The following GTPBP6 variants were observed in gnomAD, a reference collection of about 807,000 sequenced individuals.
GTPBP6 encodes the protein GTP binding protein 6.
GTPBP6 carries 33 observed loss-of-function variants against 28.9 expected under a neutral mutation model. The ratio of observed to expected loss-of-function variants is 1.14; its 90% CI spans 0.87 to 1.53. The LOEUF (loss-of-function observed/expected upper bound fraction) is 1.53. Ranked by LOEUF, GTPBP6 falls within the 40% of genes most tolerant of loss-of-function variation. The pLI is 0.00. For synonymous variants in GTPBP6, 231 were observed against 192.7 expected (o/e 1.20, Z -1.65); for missense variants, 507 against 408.3 (o/e 1.24, Z -2.08).
At chrX:317,391 G>C (rs1248924608) in intron 1 of GTPBP6, among the ~76,000 whole-genome samples, 1 of 152,056 alleles carries the variant, frequency 6.6e-6, no homozygotes, top group African/African-American at 2.4e-5. Context: ...AGAGGTCTGC[G>C]CGCTGTTCTG....
intron 4 of GTPBP6, among the ~76,000 whole-genome samples, 178 bp from the exon 5 acceptor site, chrX:314,395 G>A (rs1197409599): frequency 6.6e-6 from 1 of 152,202 alleles, no homozygotes; most frequent in Non-Finnish European, 1.5e-5. Flanking sequence ...CCCGGGCCGA[G>A]GGGACCTGCC....
intron 7 of GTPBP6, among the ~76,000 whole-genome samples, chrX:309,710 A>G (rs1264292575): frequency 1.3e-5 from 2 of 148,258 alleles, no homozygotes; most frequent in African/African-American, 5.0e-5. Context: ...AGAGGCAGGA[A>G]GGACCCTCAC....
At chrX:307,399 A>C in exon 9 of GTPBP6, 1 of 1,612,502 alleles carries the variant, frequency 6.2e-7, no homozygotes, top group Non-Finnish European at 8.5e-7. Flanking sequence ...GAGAGTGAGG[A>C]TCTGTCTCCC....
At chrX:306,453 T>G (rs2070166759) in intron 9 of GTPBP6, among the ~76,000 whole-genome samples, 1 of 144,064 alleles carries the variant, frequency 6.9e-6, no homozygotes, top group African/African-American at 2.8e-5. Context: ...ACCTGTTGTA[T>G]CCACAGTCAG....
intron 5 of GTPBP6, among the ~76,000 whole-genome samples, chrX:313,513 C>A (rs927459576): frequency 6.6e-6 from 1 of 151,084 alleles, no homozygotes; most frequent in African/African-American, 2.4e-5. Flanking sequence ...GAACTGTGGT[C>A]CTCCTAAAAG....
intron 4 of GTPBP6, among the ~76,000 whole-genome samples, chrX:314,544 C>A (rs1473013156): frequency 1.3e-5 from 2 of 151,806 alleles, no homozygotes; most frequent in African/African-American, 4.8e-5. Flanking sequence ...GTGATCTCGG[C>A]TCACTGCAAG....
At position 305,211 on chromosome X, in the gene GTPBP6, C is replaced by A; in HGVS notation, c.1428-14G>T. ...TTATACAGCCAGCTGGGCACAGATGCGCGTTGTATGGAGACAAGCAGAACC... is the reference window on the plus strand; with the variant it reads ...TTATACAGCCAGCTGGGCACAGATGAGCGTTGTATGGAGACAAGCAGAACC... On this transcript the variant is annotated splice_polypyrimidine_tract_variant and intron_variant, in intron 9 of 9. Coordinates refer to ENST00000326153, the Ensembl canonical transcript of GTPBP6. The A allele has an allele frequency of 1.2e-6, 2 of 1,600,198 alleles. No individual in the cohort carries two copies. The highest frequency in any genetic ancestry group is 1.1e-5 in the South Asian group (1 of 90,804).
At chrX:305,794 T>G (rs1241828589) in intron 9 of GTPBP6, among the ~76,000 whole-genome samples, 3 of 151,080 alleles carry the variant, frequency 2.0e-5, no homozygotes, top group Non-Finnish European at 4.4e-5. Flanking sequence ...CCGGCTAATT[T>G]TTTGTATTTT....
rs1337390450 is a variant in GTPBP6, at chrX:307,897, G to A, written c.1126-17C>T. On this transcript the variant is annotated splice_polypyrimidine_tract_variant and intron_variant, in intron 7 of 9. Coordinates refer to ENST00000326153, the Ensembl canonical transcript of GTPBP6. ...GATGAGATCCTGTGGGCCGGGCCGT[G>A]GGGTCAGAGCTGCGGAGCCTCTGGT... 2 of 1,505,384 alleles carry A rather than the reference G, an allele frequency of 1.3e-6. No homozygotes were observed. Among genetic ancestry groups the A allele is most frequent in the African/African-American group, 2.8e-5 (2 of 71,284 alleles). The allele number at this position is 1,505,384 out of a possible 1,614,324, so 93.3% of individuals were successfully genotyped here.
rs202024889 is a variant in GTPBP6 at position 307,526 on chromosome X, G to C, written c.1275-14C>G. 8 of 1,609,854 alleles carry C rather than the reference G, an allele frequency of 5.0e-6. No individual in the cohort carries two copies. The highest frequency in any genetic ancestry group is 6.8e-6 in the Non-Finnish European group (8 of 1,179,096). On this transcript the variant is annotated splice_polypyrimidine_tract_variant and intron_variant, in intron 8 of 9. Coordinates refer to ENST00000326153, the Ensembl canonical transcript of GTPBP6. ...GTGGGGCTGTACCTGCAAGGGTGGG[G>C]ATGTCACAGGCCCCGCTCAGCGTCG...
chrX:318,796 T>A (rs1186098276), exon 1 of GTPBP6: 1 of 305,448 alleles, frequency 3.3e-6, no homozygotes, highest in East Asian at 5.2e-5. Flanking sequence ...ATGGCGCGTC[T>A]GGAGGCTGAA....
chrX:315,344 C>G, intron 2 of GTPBP6, 45 bp from the exon 3 acceptor site: 1 of 398,578 alleles, frequency 2.5e-6, no homozygotes, highest in Non-Finnish European at 4.4e-6. Flanking sequence ...CGTCCACACC[C>G]GTGGACTGTG....
At chrX:317,467 A>G (rs1331400544) in intron 1 of GTPBP6, among the ~76,000 whole-genome samples, 2,926 of 149,690 alleles carry the variant, frequency 0.02, 103 homozygotes, top group African/African-American at 0.068. Flanking sequence ...AAGAAAAACC[A>G]CTCATCGACT....
chrX:308,153 G>A (rs2070212262), intron 7 of GTPBP6, among the ~76,000 whole-genome samples: 1 of 151,768 alleles, frequency 6.6e-6, no homozygotes, highest in Admixed American at 6.6e-5. Context: ...CCATATATGA[G>A]CACCCAACCA....
chrX:307,949 C>T (rs2070208008), intron 7 of GTPBP6, 69 bp from the exon 8 acceptor site: 10 of 1,348,684 alleles, frequency 7.4e-6, no homozygotes, highest in South Asian at 1.8e-5. Context: ...GCAGACAGGC[C>T]CAGGAGAGGG....
chrX:311,479 G>A lies in GTPBP6; in HGVS notation c.1065C>T (p.Ser355=), dbSNP rs527729771. The change falls in exon 7 of 10, where the codon TCC becomes TCT. Residue 355 remains serine (S), a synonymous_variant. Coordinates refer to ENST00000326153, the Ensembl canonical transcript of GTPBP6. Reference sequence around the variant, plus strand: ...ACTCGATGAGGCCGTGCGGCAGCTGGGAGAGGAAGCCGATGGTGTCCACGT... The same window carrying A: ...ACTCGATGAGGCCGTGCGGCAGCTGAGAGAGGAAGCCGATGGTGTCCACGT... The A allele has an allele frequency of 1.0e-4, 161 of 1,601,262 alleles. No individual in the cohort carries two copies. In the Middle Eastern group the frequency reaches 1.2e-3, roughly 12 times the overall value.
At chrX:309,127 A>G (rs2070233776) in intron 7 of GTPBP6, among the ~76,000 whole-genome samples, 1 of 152,108 alleles carries the variant, frequency 6.6e-6, no homozygotes, top group Admixed American at 6.5e-5. Context: ...TCTTTGGGAC[A>G]TTTGCTGCTT....
At chrX:315,155 C>T (rs1338320769) in intron 3 of GTPBP6, 74 bp downstream of exon 3, 2 of 380,822 alleles carry the variant, frequency 5.3e-6, no homozygotes, top group African/African-American at 4.3e-5. Context: ...CCCCGCCTGG[C>T]CGGACGCCGT....
chrX:304,985 C>A, exon 10 of GTPBP6: 1 of 1,552,622 alleles, frequency 6.4e-7, no homozygotes. Context: ...CCTGCTGCAC[C>A]TGACACCAAG....
Sources: allele counts gnomAD v4.1 joint callset (sites outside exome capture counted in the v4.1 genomes callset), GRCh38; gene constraint gnomAD v4.1.1; transcripts MANE v1.5; gene names NCBI Gene and HGNC (gene_info 2026-07-23, HGNC 2026-07-21).